PDS5B: variants seen among roughly 807,000 people sequenced by gnomAD.
PDS5B encodes sister chromatid cohesion protein PDS5 homolog B.
PDS5B carries 51 observed loss-of-function variants against 184.1 expected under a neutral mutation model. That is an observed-to-expected ratio of 0.28 (90% confidence interval 0.22 to 0.35). The LOEUF is 0.35. Ranked by LOEUF, PDS5B falls within the 10% of genes least tolerant of loss-of-function variation. The pLI is 1.00. For synonymous variants in PDS5B, 566 were observed against 569.2 expected, an observed-to-expected ratio of 0.99 and a Z score of 0.08; for missense variants, 1,180 against 1,723.3, an observed-to-expected ratio of 0.68 and a Z score of 5.58.
At chr13:32,754,397 G>T (rs983438447) in intron 25 of PDS5B, among the ~76,000 whole-genome samples, 3 of 152,030 alleles carry the variant, frequency 2.0e-5, no homozygotes, top group Non-Finnish European at 4.4e-5. Context: ...TGAAATCTGT[G>T]TTTCATTTAC....
intron 26 of PDS5B, among the ~76,000 whole-genome samples, 190 bp downstream of exon 26, chr13:32,756,146 C>A (rs1165410777): frequency 1.3e-5 from 2 of 151,940 alleles, no homozygotes; most frequent in Non-Finnish European, 2.9e-5. Flanking sequence ...AATGTAGTTT[C>A]CCAAAACTTA....
intron 10 of PDS5B, among the ~76,000 whole-genome samples, chr13:32,680,112 CTTTT>C (rs1400495838): frequency 6.6e-6 from 1 of 151,862 alleles, no homozygotes; most frequent in African/African-American, 2.4e-5. Context: ...TTGCTTTTGT[CTTTT>C]TTTCCATGTT....
chr13:32,701,411 C>T lies in PDS5B; in HGVS notation c.1829C>T (p.Pro610Leu). 1 of 1,608,152 alleles carries T rather than the reference C, an allele frequency of 6.2e-7. No homozygotes were observed. The highest frequency in any genetic ancestry group is 8.5e-7 in the Non-Finnish European group (1 of 1,175,050). Reference protein sequence around the residue: ...MIKFLLERIAPVHIDTESISA... With the variant: ...MIKFLLERIALVHIDTESISA... ...AAGTTTCTCTTGGAGAGGATAGCACCTGTGCACATAGATACCGAATCTATC... is the reference window on the plus strand; with the variant it reads ...AAGTTTCTCTTGGAGAGGATAGCACTTGTGCACATAGATACCGAATCTATC... Residue 610 changes from proline to leucine, a missense_variant, in exon 17 of 35, where the codon CCT becomes CTT. Physicochemically the swap from Pro to Leu is moderately conservative, Grantham distance 98. Around this residue, in one of 11 missense-constraint regions of PDS5B, gnomAD observed 475 missense variants for 691.5 expected, o/e 0.69. Coordinates refer to ENST00000315596, the MANE Select transcript of PDS5B (RefSeq NM_015032.4).
chr13:32,747,488 C>T (rs1489449456), intron 24 of PDS5B, among the ~76,000 whole-genome samples: 1 of 151,332 alleles, frequency 6.6e-6, no homozygotes, highest in Non-Finnish European at 1.5e-5. Context: ...CGTGGTGGCT[C>T]ATGCCAGAGA....
Position 32,678,702 on chromosome 13 carries a change from G to A in PDS5B, c.963-133G>A, listed in dbSNP as rs577503869. 6.2e-4 allele frequency: 372 copies of A among 595,648 alleles called. 2 individuals carry two copies. The South Asian group carries it at 7.8e-3, about 13-fold the overall frequency. The allele number at this position is 595,648 out of a possible 1,614,324, so 36.9% of individuals were successfully genotyped here. ...TGTATATCAGAAACTTTGTAAAATG[G>A]TTTGGTTCTACTTTGCATTTTCCTT... On this transcript the variant is annotated intron_variant, in intron 9 of 34. Transcript: ENST00000315596.
intron 16 of PDS5B, 126 bp downstream of exon 16, chr13:32,699,995 A>G: frequency 1.2e-6 from 1 of 851,718 alleles, no homozygotes; most frequent in Non-Finnish European, 1.7e-6. Flanking sequence ...AATGCAGATA[A>G]ACTATAATTT....
intron 14 of PDS5B, among the ~76,000 whole-genome samples, chr13:32,694,857 T>C (rs1451271180): frequency 2.7e-5 from 4 of 148,276 alleles, no homozygotes; most frequent in African/African-American, 9.8e-5. Flanking sequence ...TTTTTTTTTT[T>C]CATTGAAATG....
At chr13:32,624,231 C>G (rs1201262726) in intron 1 of PDS5B, among the ~76,000 whole-genome samples, 1 of 151,936 alleles carries the variant, frequency 6.6e-6, no homozygotes, top group Non-Finnish European at 1.5e-5. Context: ...TTATATTTTG[C>G]TTTCATGTTT....
chr13:32,666,107 GTC>G (rs1176423439), intron 6 of PDS5B, among the ~76,000 whole-genome samples: 8 of 152,240 alleles, frequency 5.3e-5, no homozygotes, highest in South Asian at 2.1e-4. Flanking sequence ...TTGAGATGGA[GTC>G]TCACTCTGTC....
chr13:32,648,950 A>C, intron 2 of PDS5B, 70 bp downstream of exon 2: 1 of 778,274 alleles, frequency 1.3e-6, no homozygotes, highest in Non-Finnish European at 2.3e-6. Flanking sequence ...ACATGGGGCT[A>C]TAATGTATCT....
intron 19 of PDS5B, among the ~76,000 whole-genome samples, chr13:32,725,365 C>T (rs1467785536): frequency 6.6e-6 from 1 of 152,036 alleles, no homozygotes; most frequent in Admixed American, 6.6e-5. Context: ...TTGGAAGCCT[C>T]TTCAAGTTAG....
chr13:32,706,909 A>T (rs1319132468), intron 17 of PDS5B, 25 bp from the exon 18 acceptor site: 1 of 1,458,446 alleles, frequency 6.9e-7, no homozygotes, highest in East Asian at 2.3e-5. Context: ...CATTTGAAAA[A>T]ATGACTTTTT....
rs759193057 is a variant in PDS5B, at chr13:32,651,785, A to AT, written c.109-13dup. On this transcript the variant is annotated intron_variant, in intron 2 of 34. Coordinates refer to ENST00000315596, the MANE Select transcript of PDS5B (RefSeq NM_015032.4). Reference sequence around the variant, plus strand: ...TTTACATGGAGCATTTCATTATTTGATTTTTTATTTTTGTATAGATGGTTG... The same window carrying AT: ...TTTACATGGAGCATTTCATTATTTGATTTTTTTATTTTTGTATAGATGGTTG... 1.5e-5 allele frequency: 22 copies of AT among 1,492,258 alleles called. No individual in the cohort carries two copies. The African/African-American group carries it at 2.8e-4, about 19-fold the overall frequency. The allele number at this position is 1,492,258 out of a possible 1,614,324, so 92.4% of individuals were successfully genotyped here.
chr13:32,773,753 TA>T (rs2141047266), intron 34 of PDS5B, among the ~76,000 whole-genome samples: 1 of 152,302 alleles, frequency 6.6e-6, no homozygotes, highest in Non-Finnish European at 1.5e-5. Flanking sequence ...TGAGAATTCA[TA>T]AAATTGGTAA....
At chr13:32,725,982 C>T (rs1407880252) in intron 19 of PDS5B, among the ~76,000 whole-genome samples, 2 of 151,900 alleles carry the variant, frequency 1.3e-5, no homozygotes, top group African/African-American at 4.8e-5. Context: ...TACCCTTGTT[C>T]ATTTGTTTCA....
At chr13:32,757,153 T>C (rs1358763906) in intron 26 of PDS5B, among the ~76,000 whole-genome samples, 2 of 152,028 alleles carry the variant, frequency 1.3e-5, no homozygotes, top group East Asian at 3.9e-4. Flanking sequence ...AAATTAGTTC[T>C]ATCAAAATTA....
At chr13:32,747,605 A>G (rs1452984571) in intron 24 of PDS5B, among the ~76,000 whole-genome samples, 1 of 151,254 alleles carries the variant, frequency 6.6e-6, no homozygotes, top group Admixed American at 6.6e-5. Flanking sequence ...AAAAAAAAAA[A>G]TTTGGGGGGA....
At chr13:32,721,412 C>T (rs146012090) in intron 19 of PDS5B, among the ~76,000 whole-genome samples, 1,609 of 149,024 alleles carry the variant, frequency 0.011, 39 homozygotes, top group African/African-American at 0.037. Flanking sequence ...CCAGACGGAG[C>T]GGCTGCCGGG....
chr13:32,655,374 A>ATATATATATATTTTTTTTT, intron 3 of PDS5B, among the ~76,000 whole-genome samples: 2 of 72,464 alleles, frequency 2.8e-5, no homozygotes, highest in African/African-American at 1.7e-4. Context: ...ATATATATAT[A>ATATATATATATTTTTTTTT]TTTTTTTTTT....
Sources: allele counts gnomAD v4.1 joint callset (sites outside exome capture counted in the v4.1 genomes callset), GRCh38; gene constraint gnomAD v4.1.1; regional missense constraint gnomAD v4.1.1; transcripts MANE v1.5; gene names NCBI Gene and HGNC (gene_info 2026-07-23, HGNC 2026-07-21).